The following HLCS variants were observed in gnomAD, a reference collection of about 807,000 sequenced individuals.
The protein encoded by HLCS is biotin--protein ligase.
Under a neutral mutation model 75.0 loss-of-function variants are expected in HLCS, and 53 were observed. The ratio of observed to expected loss-of-function variants is 0.71; its 90% CI spans 0.57 to 0.89. The LOEUF (loss-of-function observed/expected upper bound fraction) is 0.89. Among genes scored for constraint, HLCS ranks in the 40% least tolerant of loss-of-function variants. The pLI, the probability that HLCS is intolerant of heterozygous loss-of-function variation, is 0.00. For synonymous variants in HLCS, 431 were observed against 428.6 expected, an observed-to-expected ratio of 1.01 and a Z score of -0.07; for missense variants, 966 against 1,074.0, an observed-to-expected ratio of 0.90 and a Z score of 1.41.
intron 6 of HLCS, among the ~76,000 whole-genome samples, chr21:36,774,863 A>G (rs2060309122): frequency 6.6e-6 from 1 of 152,198 alleles, no homozygotes; most frequent in Non-Finnish European, 1.5e-5. Context: ...GCTTAGAAAC[A>G]CTGTTGGTCA....
chr21:36,905,752 G>C (rs1391520185), intron 5 of HLCS, among the ~76,000 whole-genome samples: 1 of 152,014 alleles, frequency 6.6e-6, no homozygotes, highest in South Asian at 2.1e-4. Flanking sequence ...TGGGATACAA[G>C]GTCAATATAC....
intron 6 of HLCS, among the ~76,000 whole-genome samples, chr21:36,812,830 G>A (rs553335635): frequency 6.6e-6 from 1 of 152,318 alleles, no homozygotes; most frequent in East Asian, 1.9e-4. Flanking sequence ...AGGCCGAGGT[G>A]CGAGGATGGC....
At chr21:36,874,128 T>C (rs2146243364) in intron 6 of HLCS, among the ~76,000 whole-genome samples, 1 of 152,324 alleles carries the variant, frequency 6.6e-6, no homozygotes, top group East Asian at 1.9e-4. Context: ...GGAGCACATA[T>C]CTACTTACTG....
intron 6 of HLCS, among the ~76,000 whole-genome samples, chr21:36,892,166 T>G (rs1024297059): frequency 6.6e-6 from 1 of 152,196 alleles, no homozygotes; most frequent in African/African-American, 2.4e-5. Context: ...TAAAAAGCTG[T>G]GACTATTCAG....
rs775053760 is a variant in HLCS, at chr21:36,897,113, T to A, written c.1639A>T (p.Met547Leu). 1 of 1,614,012 alleles carries A rather than the reference T, an allele frequency of 6.2e-7. No individual in the cohort carries two copies. The change falls in exon 6 of 11, where the codon ATG becomes TTG. Residue 547 changes from methionine (M) to leucine (L), a missense_variant. Coordinates refer to ENST00000674895, the MANE Select transcript of HLCS (RefSeq NM_001352514.2). ...SAAEEIRDPL[M>L]QWLGKHVDSE... ...TCCACATGTTTCCCAAGCCACTGCATAAGAGGATCCCTGATTTCCTGTGTC... is the reference window on the plus strand; with the variant it reads ...TCCACATGTTTCCCAAGCCACTGCAAAAGAGGATCCCTGATTTCCTGTGTC...
chr21:36,868,518 A>C (rs778524230), intron 6 of HLCS, among the ~76,000 whole-genome samples: 4 of 152,216 alleles, frequency 2.6e-5, no homozygotes, highest in Non-Finnish European at 4.4e-5. Flanking sequence ...GATAATCTAT[A>C]GAACGTAACA....
intron 2 of HLCS, among the ~76,000 whole-genome samples, chr21:36,941,205 CTG>C: frequency 6.6e-6 from 1 of 152,254 alleles, no homozygotes; most frequent in East Asian, 1.9e-4. Context: ...GAGCAAGACT[CTG>C]TCTCAATCAA....
chr21:36,947,193 C>G (rs1185019486), intron 2 of HLCS: 1 of 246,532 alleles, frequency 4.1e-6, no homozygotes, highest in Non-Finnish European at 6.5e-6. Context: ...GTAAAAGGAG[C>G]CAATGATGAA....
intron 1 of HLCS, among the ~76,000 whole-genome samples, chr21:36,964,772 T>C (rs1309239856): frequency 2.0e-5 from 3 of 152,210 alleles, no homozygotes; most frequent in Non-Finnish European, 4.4e-5. Context: ...TGTTCAAAAG[T>C]AAAACTGTCC....
chr21:36,954,071 C>G (rs904166191), intron 2 of HLCS, among the ~76,000 whole-genome samples: 1 of 151,814 alleles, frequency 6.6e-6, no homozygotes, highest in African/African-American at 2.4e-5. Context: ...TTTGGGAGGC[C>G]GAGGAGGGTG....
chr21:36,954,134 C>T (rs1014743076), intron 2 of HLCS, among the ~76,000 whole-genome samples: 26 of 151,022 alleles, frequency 1.7e-4, no homozygotes, highest in Non-Finnish European at 3.0e-4. Context: ...GGTGAAACCC[C>T]GCCTCTACTA....
intron 6 of HLCS, among the ~76,000 whole-genome samples, chr21:36,814,100 G>C (rs1275865429): frequency 6.6e-6 from 1 of 152,148 alleles, no homozygotes; most frequent in Non-Finnish European, 1.5e-5. Context: ...GAATAGAATA[G>C]AGTTTTCTCT....
intron 6 of HLCS, among the ~76,000 whole-genome samples, chr21:36,871,869 G>T (rs8131697): frequency 0.055 from 8,326 of 152,146 alleles, 744 homozygotes; most frequent in African/African-American, 0.19. Flanking sequence ...AGTGTAATAG[G>T]TACAATAAGT....
At chr21:36,849,370 G>A (rs901407476) in intron 6 of HLCS, among the ~76,000 whole-genome samples, 2 of 152,178 alleles carry the variant, frequency 1.3e-5, no homozygotes, top group Non-Finnish European at 2.9e-5. Context: ...AATAGAATTT[G>A]GTTTATTTTG....
intron 5 of HLCS, among the ~76,000 whole-genome samples, chr21:36,914,551 A>T (rs1348492110): frequency 6.6e-6 from 1 of 152,238 alleles, no homozygotes; most frequent in Non-Finnish European, 1.5e-5. Context: ...GTTACCTGCC[A>T]ACTAGCGAAG....
chr21:36,989,736 G>T (rs919081384), intron 1 of HLCS, among the ~76,000 whole-genome samples: 9 of 152,198 alleles, frequency 5.9e-5, no homozygotes, highest in African/African-American at 2.2e-4. Context: ...AGTCAACCGT[G>T]CTTTTTAGCG....
In HLCS at chr21:36,754,225, G is replaced by A. The variant is rs777607443; in HGVS notation, c.*21C>T. 14 of 1,612,548 alleles carry A rather than the reference G, an allele frequency of 8.7e-6. No individual in the cohort carries two copies. The East Asian group carries it at 2.2e-4, about 26-fold the overall frequency. ...GATGCATGGGCACGGACAGGCAGCC[G>A]CGTCTCGGGGACGCCCGGCATTACC... On this transcript the variant is annotated 3_prime_UTR_variant, in exon 11 of 11. Transcript: ENST00000674895.
chr21:36,987,810 T>C (rs2069255394), intron 1 of HLCS, among the ~76,000 whole-genome samples: 1 of 152,186 alleles, frequency 6.6e-6, no homozygotes, highest in African/African-American at 2.4e-5. Flanking sequence ...AGAATATCAT[T>C]ATATTTACTT....
chr21:36,842,146 G>A lies in HLCS; in HGVS notation c.1892+54714C>T, dbSNP rs2062637051. Among the ~76,000 whole-genome samples the A allele has an allele frequency of 6.6e-6, 1 of 152,190 alleles. No individual in the cohort carries two copies. The highest frequency in any genetic ancestry group is 1.5e-5 in the Non-Finnish European group (1 of 68,030). ...ACCCAAAGAAGTATTTTATGGCAATGAGAATGAACAAACTATAGCAACAAC... is the reference window on the plus strand; with the variant it reads ...ACCCAAAGAAGTATTTTATGGCAATAAGAATGAACAAACTATAGCAACAAC... On this transcript the variant is annotated intron_variant, in intron 6 of 10. Transcript: ENST00000674895. This position sits in a 1 kb window ranked among gnomAD's most constrained non-coding sequence, Gnocchi z 4.2.
Sources: allele counts gnomAD v4.1 joint callset (sites outside exome capture counted in the v4.1 genomes callset), GRCh38; gene constraint gnomAD v4.1.1; non-coding constraint Gnocchi (gnomAD v3.1); transcripts MANE v1.5; gene names NCBI Gene and HGNC (gene_info 2026-07-23, HGNC 2026-07-21).